The following CSGALNACT2 variants were observed in gnomAD, a reference collection of about 807,000 sequenced individuals.
The protein encoded by CSGALNACT2 is chondroitin sulfate N-acetylgalactosaminyltransferase 2, also known as beta 4 GalNAcT-2.
Under a neutral mutation model 55.3 loss-of-function variants are expected in CSGALNACT2, and 35 were observed. The observed-to-expected ratio is 0.63, with a 90% CI of 0.48 to 0.84. CSGALNACT2 has a LOEUF of 0.84. CSGALNACT2 is among the 40% of genes least tolerant of loss of function. CSGALNACT2 has a pLI of 0.00. For missense variants in CSGALNACT2, 544 were observed against 657.5 expected (o/e 0.83, Z 1.89); for synonymous variants, 196 against 224.9 (o/e 0.87, Z 1.15).
At chr10:43,150,137 T>C (rs1838845098) in intron 1 of CSGALNACT2, among the ~76,000 whole-genome samples, 1 of 152,208 alleles carries the variant, frequency 6.6e-6, no homozygotes, top group Non-Finnish European at 1.5e-5. Flanking sequence ...GGCCTGGACT[T>C]TTCATTGTGA....
chr10:43,183,219 G>A (rs768957581), intron 7 of CSGALNACT2, 31 bp from the exon 8 acceptor site: 14 of 1,550,334 alleles, frequency 9.0e-6, no homozygotes, highest in Non-Finnish European at 1.2e-5. Context: ...ATAATAGGCA[G>A]TTATTTATAG....
At chr10:43,177,988 T>C (rs1366589201) in intron 7 of CSGALNACT2, among the ~76,000 whole-genome samples, 1 of 152,260 alleles carries the variant, frequency 6.6e-6, no homozygotes, top group Non-Finnish European at 1.5e-5. Context: ...ATTGTGACTC[T>C]GATTATAATT....
At chr10:43,167,787 G>A (rs907483633) in intron 6 of CSGALNACT2, among the ~76,000 whole-genome samples, 1 of 151,958 alleles carries the variant, frequency 6.6e-6, no homozygotes, top group African/African-American at 2.4e-5. Flanking sequence ...TTTCAGAATC[G>A]AGTCGAGAAT....
rs542584067 is a variant in CSGALNACT2 at position 43,149,839 on chromosome 10, G to A, written c.-253-5058G>A. On this transcript the variant is annotated intron_variant, in intron 1 of 7. Coordinates refer to ENST00000374466, the MANE Select transcript of CSGALNACT2 (RefSeq NM_018590.5). ...TCCCAGCACTTTTCGAGGCTGAGGC[G>A]GGTGGATCACCTGAGGTCGAGAGTT... Among the ~76,000 whole-genome samples the A allele has an allele frequency of 2.5e-4, 38 of 152,248 alleles. No homozygotes were observed. In the East Asian group the frequency reaches 4.1e-3, roughly 16 times the overall value.
At chr10:43,172,975 G>C (rs1037048577) in intron 6 of CSGALNACT2, among the ~76,000 whole-genome samples, 1 of 152,156 alleles carries the variant, frequency 6.6e-6, no homozygotes, top group Non-Finnish European at 1.5e-5. Context: ...AGCCGGTGAG[G>C]GGCACATAGC....
chr10:43,144,489 G>A (rs914157681), intron 1 of CSGALNACT2, among the ~76,000 whole-genome samples: 72 of 152,312 alleles, frequency 4.7e-4, no homozygotes, highest in African/African-American at 1.6e-3. Flanking sequence ...TTGGGGAGAT[G>A]AGGGGCTTAG....
At chr10:43,142,176 A>AT (rs1195264774) in intron 1 of CSGALNACT2, among the ~76,000 whole-genome samples, 1 of 151,298 alleles carries the variant, frequency 6.6e-6, no homozygotes, top group Non-Finnish European at 1.5e-5. Flanking sequence ...TACACTTTTT[A>AT]TTTTTTTTAT....
At chr10:43,176,731 A>AT (rs1368563177) in intron 7 of CSGALNACT2, among the ~76,000 whole-genome samples, 2 of 152,056 alleles carry the variant, frequency 1.3e-5, no homozygotes, top group Admixed American at 1.3e-4. Context: ...CACCCAGTTA[A>AT]TTTTTTTGTT....
Position 43,183,875 on chromosome 10 carries a change from G to A in CSGALNACT2, c.*333G>A, listed in dbSNP as rs539849682. 1.3e-4 allele frequency: 41 copies of A among 324,214 alleles called. No homozygotes were observed. In the East Asian group the frequency reaches 1.7e-3, roughly 14 times the overall value. The allele number at this position is 324,214 out of a possible 1,614,324, so 20.1% of individuals were successfully genotyped here. ...TGTCCTGATTGCATCTAGGTGGAGC[G>A]GATGGAATGTGCTGGGCCACTGTTG... On this transcript the variant is annotated 3_prime_UTR_variant, in exon 8 of 8. Transcript: ENST00000374466.
At chr10:43,171,443 TC>T in intron 6 of CSGALNACT2, among the ~76,000 whole-genome samples, 1 of 151,726 alleles carries the variant, frequency 6.6e-6, no homozygotes, top group Admixed American at 6.6e-5. Context: ...AACTCCACCT[TC>T]CCGTTTCAAG....
intron 5 of CSGALNACT2, among the ~76,000 whole-genome samples, chr10:43,165,887 CAGA>C (rs1839255493): frequency 6.6e-6 from 1 of 152,122 alleles, no homozygotes; most frequent in Non-Finnish European, 1.5e-5. Context: ...GAGGCTGAGG[CAGA>C]AGAATTGCTT....
chr10:43,145,871 T>G (rs1458482954), intron 1 of CSGALNACT2, among the ~76,000 whole-genome samples: 2 of 152,206 alleles, frequency 1.3e-5, no homozygotes, highest in African/African-American at 2.4e-5. Context: ...CTCCATCTTA[T>G]TTTAATAGTA....
intron 1 of CSGALNACT2, among the ~76,000 whole-genome samples, chr10:43,150,720 G>A (rs552443498): frequency 1.3e-5 from 2 of 152,212 alleles, no homozygotes; most frequent in Admixed American, 6.5e-5. Context: ...ATTTGGGATT[G>A]GTTGAGCTTC....
chr10:43,144,382 C>T (rs1838697288), intron 1 of CSGALNACT2, among the ~76,000 whole-genome samples: 1 of 152,206 alleles, frequency 6.6e-6, no homozygotes, highest in South Asian at 2.1e-4. Context: ...GTAGCATTAA[C>T]TATCTTTAAC....
In CSGALNACT2 at chr10:43,167,066, C is replaced by T; in HGVS notation, c.1222C>T (p.Gln408Ter). 6.2e-7 allele frequency: 1 copy of T among 1,612,710 alleles called. No individual in the cohort carries two copies. Among genetic ancestry groups the T allele is most frequent in the Non-Finnish European group, 8.5e-7 (1 of 1,178,816 alleles). ...CAATCCTGCCATTGTTTATGCCAAC[C>T]AGGAAGTGCCACCACCTGTGGAGCA... ...LYNPAIVYAN[Q>*]EVPPPVEQQL... The change falls in exon 6 of 8, where the codon CAG becomes TAG. Residue 408 changes from glutamine to a stop codon, truncating the protein, a stop_gained. Coordinates refer to ENST00000374466, the MANE Select transcript of CSGALNACT2 (RefSeq NM_018590.5). LOFTEE classifies it high-confidence loss of function.
At chr10:43,152,052 G>A (rs1838886521) in intron 1 of CSGALNACT2, among the ~76,000 whole-genome samples, 1 of 152,110 alleles carries the variant, frequency 6.6e-6, no homozygotes, top group Non-Finnish European at 1.5e-5. Flanking sequence ...TTGATGGCTT[G>A]TAAGGTTTCT....
Position 43,183,477 on chromosome 10 carries a change from A to G in CSGALNACT2, c.1564A>G (p.Arg522Gly), listed in dbSNP as rs147800973. 1.7e-5 allele frequency: 27 copies of G among 1,614,196 alleles called. No homozygotes were observed. The East Asian group carries it at 4.2e-4, about 25-fold the overall frequency. The change falls in exon 8 of 8, where the codon AGG (arginine) becomes GGG (glycine). Residue 522 changes from arginine (R) to glycine (G), a missense_variant. By Grantham distance (125) the Arg-to-Gly change is moderately radical. Around this residue, in one of 2 missense-constraint regions of CSGALNACT2, gnomAD observed 170 missense variants for 256.2 expected, o/e 0.66. Transcript: ENST00000374466. ...CTCCCACCTGGGAATGCTGGTCTTC[A>G]GGGAGGAAATAGAGACGCATCTTCA... is the stretch of plus-strand genomic sequence containing the variant. ...SHSHLGMLVF[R>G]EEIETHLHKQ...
chr10:43,164,341 C>T (rs1839214564), intron 5 of CSGALNACT2, among the ~76,000 whole-genome samples: 1 of 152,030 alleles, frequency 6.6e-6, no homozygotes, highest in South Asian at 2.1e-4. Context: ...CAGTGCAGGT[C>T]AGAAAAAGAG....
At chr10:43,146,991 TGG>T (rs1338743153) in intron 1 of CSGALNACT2, among the ~76,000 whole-genome samples, 59 of 16,994 alleles carry the variant, frequency 3.5e-3, no homozygotes, top group East Asian at 4.6e-3. Flanking sequence ...TTTTTTTTTG[TGG>T]AGACGGGAGT....
Sources: gnomAD v4.1 joint callset for allele counts (sites outside exome capture counted in the v4.1 genomes callset) on GRCh38, gnomAD v4.1.1 for gene constraint, gnomAD v4.1.1 regional missense constraint, MANE v1.5 for transcripts, NCBI Gene and HGNC (gene_info 2026-07-23, HGNC 2026-07-21) for gene names.